The following RAE1 variants were observed in gnomAD, a reference collection of about 807,000 sequenced individuals.
The protein encoded by RAE1 is ribonucleic acid export 1.
RAE1 carries 13 observed loss-of-function variants against 52.7 expected under a neutral mutation model. The ratio of observed to expected loss-of-function variants is 0.25; its 90% CI spans 0.16 to 0.39. RAE1 has a LOEUF of 0.39. Ranked by LOEUF, RAE1 falls within the 10% of genes least tolerant of loss-of-function variation. The probability of loss-of-function intolerance (pLI) is 1.00; values close to 1 mark genes in which losing one functional copy is unlikely to be tolerated. For synonymous variants in RAE1, 164 were observed against 153.1 expected, an observed-to-expected ratio of 1.07 and a Z score of -0.52; for missense variants, 262 against 459.8, an observed-to-expected ratio of 0.57 and a Z score of 3.93.
At chr20:57,376,484 T>C (rs1012833473) in intron 11 of RAE1, among the ~76,000 whole-genome samples, 2 of 152,240 alleles carry the variant, frequency 1.3e-5, no homozygotes, top group African/African-American at 4.8e-5. Flanking sequence ...AGCCCTACGC[T>C]ACATTTTCCC....
intron 1 of RAE1, 56 bp from the exon 2 acceptor site, chr20:57,353,976 G>T: frequency 2.1e-6 from 3 of 1,425,070 alleles, no homozygotes; most frequent in South Asian, 2.4e-5. Flanking sequence ...TCTTACCATT[G>T]CCTCTCAGTG....
chr20:57,359,116 T>C, intron 4 of RAE1: 2 of 1,065,176 alleles, frequency 1.9e-6, no homozygotes, highest in Non-Finnish European at 2.6e-6. Context: ...GTTGAATATA[T>C]GTCACTGGGC....
In RAE1 at chr20:57,368,835, A is replaced by T. The variant is rs75171597; in HGVS notation, c.642+23A>T. On this transcript the variant is annotated intron_variant, in intron 8 of 11. Coordinates refer to ENST00000395841, the MANE Select transcript of RAE1 (RefSeq NM_003610.4). ...CAGGTGCGTCATTAGTCAAATCAAG[A>T]AGTATGTATTTAGCACCTGTTGTAT... The T allele has an allele frequency of 4.3e-4, 675 of 1,570,152 alleles. 9 individuals carry two copies. In the East Asian group the frequency reaches 0.013, roughly 30 times the overall value.
chr20:57,371,481 A>G (rs1259617761), intron 8 of RAE1: 1 of 152,232 alleles, frequency 6.6e-6, no homozygotes, highest in Non-Finnish European at 1.5e-5. Flanking sequence ...CCTAACTATC[A>G]AGGAAAGGCA....
At position 57,368,133 on chromosome 20, in the gene RAE1, G is replaced by A. The variant is rs142198699; in HGVS notation, c.535-572G>A. Among the ~76,000 whole-genome samples, 785 of 152,216 alleles carry A rather than the reference G, an allele frequency of 5.2e-3. 2 individuals are homozygous for A. Among genetic ancestry groups the A allele is most frequent in the Middle Eastern group, 0.01 (3 of 294 alleles). On this transcript the variant is annotated intron_variant, in intron 7 of 11. Transcript: ENST00000395841. ...GATCTTTTGACCTCATGATCCACCT[G>A]CCTCGGCCTCCCAAAGTGCTGGGAT...
intron 11 of RAE1, among the ~76,000 whole-genome samples, chr20:57,377,338 T>C (rs1472630459): frequency 6.6e-6 from 1 of 152,118 alleles, no homozygotes; most frequent in Non-Finnish European, 1.5e-5. Flanking sequence ...TCACCTCTCT[T>C]CTTAAAACTT....
At chr20:57,354,684 C>T (rs761143451) in intron 2 of RAE1, 28 bp from the exon 3 acceptor site, 2 of 1,499,426 alleles carry the variant, frequency 1.3e-6, no homozygotes, top group East Asian at 2.5e-5. Context: ...AGCGTGCATA[C>T]ATTTTAACAT....
At chr20:57,366,318 G>C (rs560069148) in intron 5 of RAE1, among the ~76,000 whole-genome samples, 8 of 152,300 alleles carry the variant, frequency 5.3e-5, no homozygotes, top group African/African-American at 1.7e-4. Context: ...ACCTGAGACT[G>C]GGTAATTTAT....
chr20:57,355,965 G>A (rs1376543219), intron 3 of RAE1, among the ~76,000 whole-genome samples: 1 of 152,208 alleles, frequency 6.6e-6, no homozygotes, highest in African/African-American at 2.4e-5. Flanking sequence ...CAGAAAATAT[G>A]CGTACATGGA....
At chr20:57,373,109 C>A in intron 8 of RAE1, 1 of 257,634 alleles carries the variant, frequency 3.9e-6, no homozygotes, top group Non-Finnish European at 7.6e-6. Flanking sequence ...AGCGCAGAAG[C>A]TTCGGGTGAC....
chr20:57,370,886 A>G (rs986593080), intron 8 of RAE1, among the ~76,000 whole-genome samples: 4 of 152,096 alleles, frequency 2.6e-5, no homozygotes, highest in Non-Finnish European at 1.5e-5. Context: ...TTTGATCTGA[A>G]CCTGCCCCTC....
chr20:57,359,134 G>C, intron 4 of RAE1: 1 of 823,950 alleles, frequency 1.2e-6, no homozygotes, highest in Non-Finnish European at 1.7e-6. Context: ...GGCAGATAGT[G>C]CCTCTAATAC....
At chr20:57,364,071 G>A (rs1568786010) in intron 4 of RAE1, among the ~76,000 whole-genome samples, 2 of 152,206 alleles carry the variant, frequency 1.3e-5, no homozygotes, top group African/African-American at 4.8e-5. Flanking sequence ...AGCTACCCGG[G>A]AGAGAAAGAC....
intron 4 of RAE1, among the ~76,000 whole-genome samples, chr20:57,364,758 A>G (rs912976717): frequency 6.6e-6 from 1 of 152,216 alleles, no homozygotes; most frequent in African/African-American, 2.4e-5. Flanking sequence ...TGAAACCATC[A>G]CACAGTGACC....
At chr20:57,358,185 C>T (rs150562796) in intron 4 of RAE1, 20 of 152,170 alleles carry the variant, frequency 1.3e-4, no homozygotes, top group Admixed American at 4.6e-4. Flanking sequence ...TGTTAAGGGC[C>T]GCGAGGGTTC....
intron 4 of RAE1, 97 bp from the exon 5 acceptor site, chr20:57,365,259 A>C: frequency 2.5e-6 from 2 of 788,470 alleles, no homozygotes; most frequent in Middle Eastern, 3.8e-4. Context: ...AAGATTGCCA[A>C]AGTTTGCCTC....
chr20:57,354,260 C>A, intron 2 of RAE1, 132 bp downstream of exon 2: 1 of 716,466 alleles, frequency 1.4e-6, no homozygotes, highest in Non-Finnish European at 2.3e-6. Flanking sequence ...ACTCATGTTT[C>A]TGAAACACTG....
intron 1 of RAE1, among the ~76,000 whole-genome samples, chr20:57,352,415 G>C (rs2066723523): frequency 6.6e-6 from 1 of 152,234 alleles, no homozygotes; most frequent in South Asian, 2.1e-4. Flanking sequence ...GTTGTGTTCA[G>C]CGGAGAAAGG....
intron 7 of RAE1, among the ~76,000 whole-genome samples, chr20:57,367,411 A>G (rs1347302089): frequency 2.0e-5 from 3 of 152,190 alleles, no homozygotes; most frequent in Non-Finnish European, 2.9e-5. Flanking sequence ...GTGAGGTGGT[A>G]CCAGGTCTTT....
Sources: allele counts gnomAD v4.1 joint callset (sites outside exome capture counted in the v4.1 genomes callset), GRCh38; gene constraint gnomAD v4.1.1; transcripts MANE v1.5; gene names NCBI Gene and HGNC (gene_info 2026-07-23, HGNC 2026-07-21).